MAGI2: variants seen among roughly 807,000 people sequenced by gnomAD.
MAGI2 encodes the protein membrane-associated guanylate kinase, WW and PDZ domain-containing protein 2.
Under a neutral mutation model 133.3 loss-of-function variants are expected in MAGI2, and 35 were observed. The observed-to-expected ratio is 0.26, with a 90% CI of 0.20 to 0.35. MAGI2 has a LOEUF of 0.35. MAGI2 is among the 10% of genes least tolerant of loss of function. The pLI is 1.00. For missense variants in MAGI2, 1,636 were observed against 1,863.4 expected, an observed-to-expected ratio of 0.88 and a Z score of 2.25; for synonymous variants, 729 against 710.6, an observed-to-expected ratio of 1.03 and a Z score of -0.41.
At chr7:78,475,485 T>A (rs1255783591) in intron 6 of MAGI2, among the ~76,000 whole-genome samples, 1 of 151,876 alleles carries the variant, frequency 6.6e-6, no homozygotes, top group African/African-American at 2.4e-5. Flanking sequence ...GAATAAAGAT[T>A]AGAAGAACAC....
At chr7:78,710,868 C>A (rs1211299278) in intron 2 of MAGI2, among the ~76,000 whole-genome samples, 4 of 152,092 alleles carry the variant, frequency 2.6e-5, no homozygotes, top group Non-Finnish European at 5.9e-5. Context: ...TGAGTTTAAG[C>A]CTGGCAACTA....
At chr7:78,619,979 G>A (rs773559643) in intron 3 of MAGI2, among the ~76,000 whole-genome samples, 1 of 151,678 alleles carries the variant, frequency 6.6e-6, no homozygotes, top group South Asian at 2.1e-4. Context: ...GCTATAACCT[G>A]GATATGTAAA....
At chr7:79,122,532 T>G (rs1819997238) in intron 1 of MAGI2, among the ~76,000 whole-genome samples, 1 of 152,340 alleles carries the variant, frequency 6.6e-6, no homozygotes, top group Non-Finnish European at 1.5e-5. Flanking sequence ...TATCACATTA[T>G]CTTCTGCATG....
intron 1 of MAGI2, among the ~76,000 whole-genome samples, chr7:79,162,794 G>A (rs1041705281): frequency 2.6e-5 from 4 of 151,936 alleles, no homozygotes; most frequent in African/African-American, 4.8e-5. Context: ...ATAGCTAATT[G>A]CTGTAAGCCT....
chr7:78,765,851 G>A (rs934630416), intron 2 of MAGI2, among the ~76,000 whole-genome samples: 2 of 151,856 alleles, frequency 1.3e-5, no homozygotes, highest in African/African-American at 4.8e-5. Context: ...AAAAGCATGA[G>A]AAGCCTGGAG....
At position 78,845,844 on chromosome 7, in the gene MAGI2, T is replaced by C. The variant is rs867758650; in HGVS notation, c.418+161246A>G. 3.7e-4 allele frequency among the ~76,000 whole-genome samples: 56 copies of C among 151,926 alleles called. 1 individual carries two copies. Among genetic ancestry groups the C allele is most frequent in the African/African-American group, 1.3e-3 (52 of 41,486 alleles). On this transcript the variant is annotated intron_variant, in intron 2 of 21. Coordinates refer to ENST00000354212, the MANE Select transcript of MAGI2 (RefSeq NM_012301.4). Reference sequence around the variant, plus strand: ...TGAGCTATAGCATTTAAGCTGACATTTAAGAACAGATTGGGTCAGAGGGGA... The same window carrying C: ...TGAGCTATAGCATTTAAGCTGACATCTAAGAACAGATTGGGTCAGAGGGGA...
intron 3 of MAGI2, among the ~76,000 whole-genome samples, chr7:78,573,368 ATATATAT>A (rs1801915859): frequency 5.8e-4 from 5 of 8,684 alleles, no homozygotes; most frequent in Admixed American, 2.2e-3. Context: ...TCCTGGAAAT[ATATATAT>A]ATATATATAT....
chr7:78,956,395 T>C (rs1802383163), intron 2 of MAGI2, among the ~76,000 whole-genome samples: 1 of 151,960 alleles, frequency 6.6e-6, no homozygotes, highest in African/African-American at 2.4e-5. Context: ...TGCATGCATA[T>C]CTCATAGGAC....
At chr7:78,083,420 G>C (rs76690806) in intron 20 of MAGI2, among the ~76,000 whole-genome samples, 7,742 of 127,262 alleles carry the variant, frequency 0.061, 342 homozygotes, top group East Asian at 0.17. Context: ...GAGAGAGAGA[G>C]AGAGAGAGAG....
intron 1 of MAGI2, among the ~76,000 whole-genome samples, chr7:79,301,363 T>C (rs974282196): frequency 7.2e-5 from 11 of 152,360 alleles, no homozygotes; most frequent in Non-Finnish European, 4.4e-5. Context: ...GGAAGCTCAC[T>C]CTTTGCACCA....
chr7:78,543,216 T>C (rs964458613), intron 3 of MAGI2, among the ~76,000 whole-genome samples: 1 of 152,148 alleles, frequency 6.6e-6, no homozygotes, highest in Non-Finnish European at 1.5e-5. Flanking sequence ...TATGTGAATG[T>C]AGAGAGAAAA....
intron 2 of MAGI2, among the ~76,000 whole-genome samples, chr7:78,826,833 G>A (rs1207128745): frequency 6.6e-6 from 1 of 152,110 alleles, no homozygotes; most frequent in Non-Finnish European, 1.5e-5. Context: ...ATAGACTACC[G>A]TGATACTATC....
rs1361816902 is a variant in MAGI2 at position 78,654,814 on chromosome 7, A to G, written c.419-27575T>C. On this transcript the variant is annotated intron_variant, in intron 2 of 21. Coordinates refer to ENST00000354212, the MANE Select transcript of MAGI2 (RefSeq NM_012301.4). ...TGAGATTTTAATAACATTTGTATTT[A>G]TTGCTCTACTGCTCTCTTGTTCTCT... Among the ~76,000 whole-genome samples, 4 of 149,588 alleles carry G rather than the reference A, an allele frequency of 2.7e-5. No individual in the cohort carries two copies. In the South Asian group the frequency reaches 8.4e-4, roughly 32 times the overall value.
chr7:79,170,667 T>C (rs1825445300), intron 1 of MAGI2, among the ~76,000 whole-genome samples: 1 of 152,156 alleles, frequency 6.6e-6, no homozygotes, highest in East Asian at 1.9e-4. Context: ...ATAGCTGACT[T>C]AATTCAACAA....
intron 9 of MAGI2, among the ~76,000 whole-genome samples, chr7:78,281,238 C>G (rs1395091092): frequency 2.0e-5 from 3 of 152,024 alleles, no homozygotes; most frequent in Non-Finnish European, 4.4e-5. Context: ...TTTTTAAAAA[C>G]TTTAAAATAC....
At chr7:78,972,480 G>C (rs1388026849) in intron 2 of MAGI2, among the ~76,000 whole-genome samples, 1 of 151,664 alleles carries the variant, frequency 6.6e-6, no homozygotes, top group Non-Finnish European at 1.5e-5. Flanking sequence ...TAAAACATTA[G>C]ATTTTGTTAT....
intron 6 of MAGI2, among the ~76,000 whole-genome samples, chr7:78,483,222 T>C (rs116830585): frequency 0.01 from 1,530 of 152,032 alleles, 21 homozygotes; most frequent in African/African-American, 0.035. Context: ...AAAGCCATAT[T>C]TGAAAAATTT....
chr7:79,344,630 G>A (rs1585647181), intron 1 of MAGI2, among the ~76,000 whole-genome samples: 2 of 152,260 alleles, frequency 1.3e-5, no homozygotes, highest in South Asian at 4.1e-4. Flanking sequence ...CCTAAATTTA[G>A]CTGGAACTTC....
intron 1 of MAGI2, among the ~76,000 whole-genome samples, chr7:79,243,865 G>C (rs1832617080): frequency 6.6e-6 from 1 of 152,082 alleles, no homozygotes; most frequent in Non-Finnish European, 1.5e-5. Flanking sequence ...TAGTAGTCAG[G>C]ATTTCAATTT....
Sources: allele counts gnomAD v4.1 joint callset (sites outside exome capture counted in the v4.1 genomes callset), GRCh38; gene constraint gnomAD v4.1.1; transcripts MANE v1.5; gene names NCBI Gene and HGNC (gene_info 2026-07-23, HGNC 2026-07-21).